Variants in HIP1 observed in about 807,000 individuals in gnomAD.
The protein encoded by HIP1 is huntingtin interacting protein 1, also known as huntingtin-interacting protein 1.
Under a neutral mutation model 147.6 loss-of-function variants are expected in HIP1, and 65 were observed. That is an observed-to-expected ratio of 0.44 (90% CI 0.36 to 0.54). The LOEUF (loss-of-function observed/expected upper bound fraction) is 0.54, where lower values mean the gene tolerates loss of function less well. Among genes scored for constraint, HIP1 ranks in the 20% least tolerant of loss-of-function variants. HIP1 has a pLI of 0.00. For missense variants in HIP1, 1,061 were observed against 1,299.6 expected, an observed-to-expected ratio of 0.82 and a Z score of 2.82; for synonymous variants, 479 against 504.0, an observed-to-expected ratio of 0.95 and a Z score of 0.67.
At chr7:75,654,450 G>A (rs1032557106) in intron 1 of HIP1, 4 of 152,194 alleles carry the variant, frequency 2.6e-5, no homozygotes, top group African/African-American at 7.2e-5. Context: ...AAATGTTATG[G>A]CTACAGGTTC....
In HIP1 at chr7:75,555,384, G is replaced by A. The variant is rs370464464; in HGVS notation, c.1963+32C>T. On this transcript the variant is annotated intron_variant, in intron 19 of 30. Transcript: ENST00000336926. The stretch of plus-strand genomic sequence containing the variant: ...ACAGAGTCTCAGGCTGTAAGGACCT[G>A]GCCCCTGCCAGCTGGGCAATTGCAA... The A allele has an allele frequency of 4.3e-5, 70 of 1,611,740 alleles. No homozygotes were observed. The Middle Eastern group carries it at 6.2e-4, about 14-fold the overall frequency.
chr7:75,624,485 G>T (rs781851240), intron 1 of HIP1, among the ~76,000 whole-genome samples: 7 of 152,144 alleles, frequency 4.6e-5, no homozygotes, highest in Admixed American at 2.0e-4. Flanking sequence ...TTGGCCGTGG[G>T]GGAGTCATCC....
At chr7:75,694,651 C>T (rs1377193607) in intron 1 of HIP1, among the ~76,000 whole-genome samples, 3 of 149,212 alleles carry the variant, frequency 2.0e-5, no homozygotes, top group African/African-American at 7.4e-5. Context: ...GCTGAGACTA[C>T]AGGCACCACC....
intron 13 of HIP1, 104 bp from the exon 14 acceptor site, chr7:75,560,019 C>T (rs1752489689): frequency 1.7e-6 from 2 of 1,164,924 alleles, no homozygotes; most frequent in East Asian, 5.2e-5. Flanking sequence ...ATACCTGATT[C>T]CCCTAAGTCA....
chr7:75,656,394 C>A (rs1200493793), intron 1 of HIP1, among the ~76,000 whole-genome samples: 1 of 145,562 alleles, frequency 6.9e-6, no homozygotes, highest in South Asian at 2.1e-4. Context: ...TCCTAGCTTG[C>A]GTAAGGAGCC....
At chr7:75,555,062 C>G (rs1794938315) in intron 19 of HIP1, among the ~76,000 whole-genome samples, 1 of 151,768 alleles carries the variant, frequency 6.6e-6, no homozygotes, top group Admixed American at 6.6e-5. Flanking sequence ...TGTTGCGTGC[C>G]TGTAGTCCCA....
intron 1 of HIP1, among the ~76,000 whole-genome samples, chr7:75,670,015 A>G (rs1480547041): frequency 6.6e-6 from 1 of 152,106 alleles, no homozygotes; most frequent in Non-Finnish European, 1.5e-5. Context: ...TGGCCAGGCT[A>G]GTCTTGAACT....
chr7:75,640,389 C>T (rs1248117312), intron 1 of HIP1, among the ~76,000 whole-genome samples: 5 of 152,220 alleles, frequency 3.3e-5, no homozygotes, highest in African/African-American at 7.2e-5. Context: ...AGAAGGGCTT[C>T]CCATGCTGCC....
chr7:75,602,135 G>A (rs1402695826), intron 1 of HIP1, among the ~76,000 whole-genome samples: 2 of 151,386 alleles, frequency 1.3e-5, no homozygotes, highest in Non-Finnish European at 2.9e-5. Flanking sequence ...CAAGTAGCTG[G>A]GACTACAGGC....
At chr7:75,627,269 T>A (rs1554508155) in intron 1 of HIP1, among the ~76,000 whole-genome samples, 1 of 152,194 alleles carries the variant, frequency 6.6e-6, no homozygotes, top group Non-Finnish European at 1.5e-5. Flanking sequence ...TCCAAATAAA[T>A]GAATGAATGG....
chr7:75,544,216 C>A (rs1794447369), intron 27 of HIP1, among the ~76,000 whole-genome samples: 1 of 151,066 alleles, frequency 6.6e-6, no homozygotes, highest in Non-Finnish European at 1.5e-5. Flanking sequence ...TAGTATGGGA[C>A]CCTTAACAGG....
At chr7:75,544,611 TAACGCAGCCA>T in intron 27 of HIP1, 74 bp downstream of exon 27, 2 of 822,898 alleles carry the variant, frequency 2.4e-6, no homozygotes, top group Non-Finnish European at 4.2e-6. Context: ...AAGTACTGCC[TAACGCAGCCA>T]AGTACTCTTT....
In HIP1 at chr7:75,557,727, T is replaced by G; in HGVS notation, c.1508A>C (p.Gln503Pro). 6.2e-7 allele frequency: 1 copy of G among 1,614,192 alleles called. No individual in the cohort carries two copies. The highest frequency in any genetic ancestry group is 8.5e-7 in the Non-Finnish European group (1 of 1,180,034). Residue 503 changes from glutamine to proline, a missense_variant, in exon 16 of 31, where the codon CAG becomes CCG. Physicochemically the swap from Gln to Pro is moderately conservative, Grantham distance 76. Coordinates refer to ENST00000336926, the MANE Select transcript of HIP1 (RefSeq NM_005338.7). The stretch of plus-strand genomic sequence containing the variant: ...TTTTTTCTCTCGTTCCAAATCTACC[T>G]GGGCTTGTCTGGCCATGGACACCTG... ...TKQVSMARQA[Q>P]VDLEREKKEL...
chr7:75,636,932 A>G (rs1798445657), intron 1 of HIP1, among the ~76,000 whole-genome samples: 1 of 152,018 alleles, frequency 6.6e-6, no homozygotes, highest in Non-Finnish European at 1.5e-5. Context: ...CTTCAGCCTC[A>G]CCCAATGGAC....
At chr7:75,660,627 C>T (rs1187247848) in intron 1 of HIP1, among the ~76,000 whole-genome samples, 1 of 152,110 alleles carries the variant, frequency 6.6e-6, no homozygotes, top group Non-Finnish European at 1.5e-5. Context: ...GGGAATGCAA[C>T]CGGTAGACAG....
At chr7:75,644,048 G>C (rs1272043873) in intron 1 of HIP1, among the ~76,000 whole-genome samples, 3 of 152,052 alleles carry the variant, frequency 2.0e-5, no homozygotes, top group Non-Finnish European at 4.4e-5. Context: ...AGAAAGTATG[G>C]GTAGGCCCTG....
At chr7:75,681,703 C>T (rs2285873) in intron 1 of HIP1, among the ~76,000 whole-genome samples, 88,552 of 151,550 alleles carry the variant, frequency 0.58, 26,430 homozygotes, top group African/African-American at 0.69. Flanking sequence ...GGCAAGGTCT[C>T]ACTATGTTGC....
rs587760351 is a variant in HIP1 at position 75,595,187 on chromosome 7, C to CCTTTCTTTCTTTCTTTCTTT, written c.185-2693_185-2674dup. On this transcript the variant is annotated intron_variant, in intron 2 of 30. Coordinates refer to ENST00000336926, the MANE Select transcript of HIP1 (RefSeq NM_005338.7). ...TAAAATCAGCTTTTGGTGTAGGAGTCCTTTCTTTCTTTCTTTCTTTCTTTC... is the reference window on the plus strand; with the variant it reads ...TAAAATCAGCTTTTGGTGTAGGAGTCCTTTCTTTCTTTCTTTCTTTCTTTCTTTCTTTCTTTCTTTCTTTC... 9.9e-4 allele frequency among the ~76,000 whole-genome samples: 107 copies of CCTTTCTTTCTTTCTTTCTTT among 108,468 alleles called. 2 individuals carry two copies. The highest frequency in any genetic ancestry group is 1.6e-3 in the Admixed American group (16 of 9,962). 71.2% of individuals were successfully genotyped at this position (108,468 alleles called of 152,430 possible).
intron 1 of HIP1, among the ~76,000 whole-genome samples, chr7:75,652,304 G>A (rs1429590197): frequency 1.4e-5 from 2 of 142,872 alleles, no homozygotes; most frequent in African/African-American, 2.7e-5. Flanking sequence ...GTGACAGAGC[G>A]AGACTGTCTC....
Sources: gnomAD v4.1 joint callset for allele counts (sites outside exome capture counted in the v4.1 genomes callset) on GRCh38, gnomAD v4.1.1 for gene constraint, MANE v1.5 for transcripts, NCBI Gene and HGNC (gene_info 2026-07-23, HGNC 2026-07-21) for gene names.